The following B3GLCT variants were observed in gnomAD, a reference collection of about 807,000 sequenced individuals.
The protein encoded by B3GLCT is beta 3-glucosyltransferase.
B3GLCT carries 65 observed loss-of-function variants against 63.4 expected under a neutral mutation model. The observed-to-expected ratio is 1.03, with a 90% CI of 0.84 to 1.26. The LOEUF is 1.26. Ranked by LOEUF, B3GLCT falls within the 50% of genes most tolerant of loss-of-function variation. The pLI, the probability that B3GLCT is intolerant of heterozygous loss-of-function variation, is 0.00. For synonymous variants in B3GLCT, 233 were observed against 219.2 expected, an observed-to-expected ratio of 1.06 and a Z score of -0.55; for missense variants, 577 against 604.8, an observed-to-expected ratio of 0.95 and a Z score of 0.48.
chr13:31,271,836 C>A (rs1872585951), intron 8 of B3GLCT, among the ~76,000 whole-genome samples: 1 of 152,182 alleles, frequency 6.6e-6, no homozygotes, highest in South Asian at 2.1e-4. Context: ...ACTGCCAACT[C>A]TTGCTTTTTA....
chr13:31,322,400 C>T (rs1875370837), intron 13 of B3GLCT, among the ~76,000 whole-genome samples: 1 of 152,238 alleles, frequency 6.6e-6, no homozygotes, highest in South Asian at 2.1e-4. Context: ...TTATTTTAAA[C>T]ATTTGTATAT....
chr13:31,324,665 T>C lies in B3GLCT; in HGVS notation c.1329+770T>C, dbSNP rs941578960. Among the ~76,000 whole-genome samples, 12 of 152,362 alleles carry C rather than the reference T, an allele frequency of 7.9e-5. No homozygotes were observed. The East Asian group carries it at 9.6e-4, about 12-fold the overall frequency. ...TTTTGAAACTTGAAGTGTGTATGCA[T>C]AAGTATTTTAGATGCCTTCTCTTAT... On this transcript the variant is annotated intron_variant, in intron 14 of 14. Transcript: ENST00000343307.
At chr13:31,258,644 G>T (rs1871862445) in intron 6 of B3GLCT, among the ~76,000 whole-genome samples, 2 of 151,964 alleles carry the variant, frequency 1.3e-5, no homozygotes, top group Non-Finnish European at 2.9e-5. Context: ...TGTATATCTT[G>T]TTTCTGTTTA....
At chr13:31,235,649 G>A (rs1041423673) in intron 4 of B3GLCT, among the ~76,000 whole-genome samples, 5 of 152,236 alleles carry the variant, frequency 3.3e-5, no homozygotes, top group East Asian at 1.9e-4. Context: ...AGTGTGCTTC[G>A]TTGTTGCTGG....
At chr13:31,321,275 T>C (rs1875317169) in intron 13 of B3GLCT, among the ~76,000 whole-genome samples, 1 of 152,246 alleles carries the variant, frequency 6.6e-6, no homozygotes, top group African/African-American at 2.4e-5. Flanking sequence ...ACATCAACCT[T>C]TGATAAAAGC....
At chr13:31,231,010 G>GA (rs545768603) in intron 4 of B3GLCT, among the ~76,000 whole-genome samples, 27 of 150,786 alleles carry the variant, frequency 1.8e-4, no homozygotes, top group South Asian at 1.3e-3. Context: ...CTGTCTCAAA[G>GA]AAAAAAAAAA....
chr13:31,256,423 T>C (rs1215768790), intron 6 of B3GLCT, among the ~76,000 whole-genome samples: 1 of 152,194 alleles, frequency 6.6e-6, no homozygotes, highest in African/African-American at 2.4e-5. Flanking sequence ...CATTACTGGG[T>C]ATATACCCAA....
At chr13:31,212,568 C>T (rs554078800) in intron 1 of B3GLCT, among the ~76,000 whole-genome samples, 1 of 152,144 alleles carries the variant, frequency 6.6e-6, no homozygotes, top group South Asian at 2.1e-4. Context: ...CCACTGGGTC[C>T]GGCCGCATGT....
chr13:31,278,605 T>C (rs1170010576), intron 10 of B3GLCT, among the ~76,000 whole-genome samples: 2 of 152,232 alleles, frequency 1.3e-5, no homozygotes, highest in Non-Finnish European at 2.9e-5. Context: ...TTTGAAAAGA[T>C]AGTCTAAGGC....
chr13:31,222,879 C>A, intron 2 of B3GLCT, 73 bp from the exon 3 acceptor site: 2 of 977,844 alleles, frequency 2.0e-6, no homozygotes, highest in Non-Finnish European at 1.7e-6. Flanking sequence ...ATGCACCATG[C>A]ATGTTTACTC....
intron 13 of B3GLCT, among the ~76,000 whole-genome samples, chr13:31,322,771 T>C (rs909074817): frequency 1.4e-4 from 22 of 152,254 alleles, no homozygotes; most frequent in Admixed American, 3.9e-4. Flanking sequence ...TTTTACTAGA[T>C]GCTGACAAAA....
chr13:31,274,594 G>A lies in B3GLCT; in HGVS notation c.746G>A (p.Cys249Tyr). The change falls in exon 9 of 15, where the codon TGT (cysteine) becomes TAT (tyrosine). Residue 249 changes from cysteine (C) to tyrosine (Y), a missense_variant. Physicochemically the swap from Cys to Tyr is radical, Grantham distance 194. Coordinates refer to ENST00000343307, the MANE Select transcript of B3GLCT (RefSeq NM_194318.4). ...EFCTNDVDFY[C>Y]ATTFHSFLPL... The stretch of plus-strand genomic sequence containing the variant: ...TGTACCAATGACGTGGACTTCTACT[G>A]TGCTACCACATTCCATTCTTTTCTA... The A allele has an allele frequency of 6.2e-7, 1 of 1,614,206 alleles. No individual in the cohort carries two copies. Among genetic ancestry groups the A allele is most frequent in the Non-Finnish European group, 8.5e-7 (1 of 1,180,034 alleles).
chr13:31,277,548 A>T (rs116968807), intron 10 of B3GLCT, among the ~76,000 whole-genome samples: 1 of 152,124 alleles, frequency 6.6e-6, no homozygotes, highest in South Asian at 2.1e-4. Context: ...AAGACTGTCA[A>T]TTTCACCAAG....
chr13:31,322,093 C>T (rs1362412048), intron 13 of B3GLCT, among the ~76,000 whole-genome samples: 1 of 152,212 alleles, frequency 6.6e-6, no homozygotes, highest in African/African-American at 2.4e-5. Flanking sequence ...ATGTTTTGAC[C>T]ATTTCTTTTT....
intron 6 of B3GLCT, among the ~76,000 whole-genome samples, chr13:31,256,059 A>G (rs1427443975): frequency 6.6e-6 from 1 of 152,242 alleles, no homozygotes; most frequent in African/African-American, 2.4e-5. Flanking sequence ...ACAAAGGGCT[A>G]ATATCTAGAA....
In B3GLCT at chr13:31,269,286, T is replaced by A. The variant is rs1216907921; in HGVS notation, c.660+9T>A. The A allele has an allele frequency of 6.3e-7, 1 of 1,581,730 alleles. No individual in the cohort carries two copies. Among genetic ancestry groups the A allele is most frequent in the African/African-American group, 1.3e-5 (1 of 74,294 alleles). ...TAGATTTAAAACATGAGGTATGTCA[T>A]GTTTTGTTTGATTAAAAATCTTACT... On this transcript the variant is annotated intron_variant, in intron 8 of 14. Coordinates refer to ENST00000343307, the MANE Select transcript of B3GLCT (RefSeq NM_194318.4).
At chr13:31,254,996 C>T (rs1391123742) in intron 6 of B3GLCT, among the ~76,000 whole-genome samples, 16 of 148,146 alleles carry the variant, frequency 1.1e-4, no homozygotes, top group African/African-American at 2.7e-4. Flanking sequence ...GAGATGGCGC[C>T]ACTGCACTCC....
intron 12 of B3GLCT, among the ~76,000 whole-genome samples, chr13:31,301,640 C>G (rs1874227145): frequency 6.6e-6 from 1 of 152,214 alleles, no homozygotes; most frequent in Non-Finnish European, 1.5e-5. Flanking sequence ...GGTCCCCAGC[C>G]TGGAGTCCCA....
intron 7 of B3GLCT, among the ~76,000 whole-genome samples, chr13:31,266,235 T>C (rs949051316): frequency 6.6e-6 from 1 of 151,992 alleles, no homozygotes; most frequent in African/African-American, 2.4e-5. Flanking sequence ...CCTGACCTCA[T>C]GTTTTGCCCG....
Sources: allele counts gnomAD v4.1 joint callset (sites outside exome capture counted in the v4.1 genomes callset), GRCh38; gene constraint gnomAD v4.1.1; transcripts MANE v1.5; gene names NCBI Gene and HGNC (gene_info 2026-07-23, HGNC 2026-07-21).